Variants in PIK3CD observed in about 807,000 individuals in gnomAD.
The protein encoded by PIK3CD is phosphatidylinositol 4,5-bisphosphate 3-kinase catalytic subunit delta isoform.
Under a neutral mutation model 122.9 loss-of-function variants are expected in PIK3CD, and 20 were observed. The ratio of observed to expected loss-of-function variants is 0.16; its 90% CI spans 0.11 to 0.24. The LOEUF is 0.24. Ranked by LOEUF, PIK3CD falls within the 10% of genes least tolerant of loss-of-function variation. The probability of loss-of-function intolerance (pLI) is 1.00; values close to 1 mark genes in which losing one functional copy is unlikely to be tolerated. For missense variants in PIK3CD, 787 were observed against 1,406.3 expected, an observed-to-expected ratio of 0.56 and a Z score of 7.04; for synonymous variants, 596 against 593.4, an observed-to-expected ratio of 1.00 and a Z score of -0.06.
intron 1 of PIK3CD, among the ~76,000 whole-genome samples, chr1:9,658,050 A>G (rs1352677006): frequency 6.6e-6 from 1 of 152,084 alleles, no homozygotes; most frequent in Non-Finnish European, 1.5e-5. Flanking sequence ...CTTTCTTATC[A>G]ATAGAGAAGC....
chr1:9,632,820 C>T, the PIK3CD span, among the ~76,000 whole-genome samples: 5 of 150,896 alleles, frequency 3.3e-5, no homozygotes, highest in African/African-American at 7.3e-5. Flanking sequence ...CTTGGGAAGG[C>T]GGCTTCTAGG....
chr1:9,721,746 C>T lies in PIK3CD; in HGVS notation c.1956-15C>T, dbSNP rs757736517. 7 of 1,612,302 alleles carry T rather than the reference C, an allele frequency of 4.3e-6. No homozygotes were observed. The East Asian group carries it at 1.3e-4, about 31-fold the overall frequency. ...GTGCTGCCTGGTGAGGCTCAGCCCT[C>T]CCTTCACCTTCCAGCTCCGAGATGC... On this transcript the variant is annotated splice_polypyrimidine_tract_variant and intron_variant, in intron 15 of 23. Coordinates refer to ENST00000377346, the MANE Select transcript of PIK3CD (RefSeq NM_005026.5).
At chr1:9,692,276 C>T (rs1404564894) in intron 2 of PIK3CD, among the ~76,000 whole-genome samples, 3 of 152,144 alleles carry the variant, frequency 2.0e-5, no homozygotes, top group African/African-American at 7.2e-5. Flanking sequence ...ACCCAGAATT[C>T]CACTGGAGAC....
chr1:9,726,945 C>G lies in PIK3CD; in HGVS notation c.3034C>G (p.Leu1012Val). The G allele has an allele frequency of 6.2e-7, 1 of 1,613,978 alleles. No individual in the cohort carries two copies. The highest frequency in any genetic ancestry group is 8.5e-7 in the Non-Finnish European group (1 of 1,179,902). ...ACTGGGGAAAACAGAGGAGGAGGCACTGAAGCACTTCCGAGTGAAGTTTAA... is the reference window on the plus strand; with the variant it reads ...ACTGGGGAAAACAGAGGAGGAGGCAGTGAAGCACTTCCGAGTGAAGTTTAA... ...LALGKTEEEALKHFRVKFNEA... is the reference protein window; with the variant it reads ...LALGKTEEEAVKHFRVKFNEA... Residue 1012 changes from leucine to valine, a missense_variant, in exon 24 of 24, where the codon CTG becomes GTG. Around this residue, in one of 6 missense-constraint regions of PIK3CD, gnomAD observed 60 missense variants for 129.5 expected, o/e 0.46. Coordinates refer to ENST00000377346, the MANE Select transcript of PIK3CD (RefSeq NM_005026.5).
chr1:9,719,008 C>G lies in PIK3CD; in HGVS notation c.1242+93C>G, dbSNP rs942179264. 1 of 1,216,874 alleles carries G rather than the reference C, an allele frequency of 8.2e-7. No homozygotes were observed. The highest frequency in any genetic ancestry group is 1.2e-6 in the Non-Finnish European group (1 of 848,762). 75.4% of individuals were successfully genotyped at this position (1,216,874 alleles called of 1,614,324 possible). On this transcript the variant is annotated intron_variant, in intron 9 of 23. Coordinates refer to ENST00000377346, the MANE Select transcript of PIK3CD (RefSeq NM_005026.5). This position sits in a 1 kb window ranked among gnomAD's most constrained non-coding sequence, Gnocchi z 5.5. ...CTCACCACTCTCCTCCCGGCAAGCA[C>G]GCAGCCTGGGGATGGGGGTCCTGGG... is the stretch of plus-strand genomic sequence containing the variant.
At position 9,667,954 on chromosome 1, in the gene PIK3CD, T is replaced by C. The variant is rs1358196938; in HGVS notation, c.-138+16152T>C. 2.1e-5 allele frequency among the ~76,000 whole-genome samples: 3 copies of C among 144,940 alleles called. No homozygotes were observed. In the Admixed American group the frequency reaches 2.1e-4, roughly 10 times the overall value. On this transcript the variant is annotated intron_variant, in intron 1 of 23. Coordinates refer to ENST00000377346, the MANE Select transcript of PIK3CD (RefSeq NM_005026.5). ...TTTTAGTAAAGACAGGGTTTCGCCA[T>C]GTTGCCCATGATGGTCTGGAACTCC...
At chr1:9,705,218 C>A (rs1646783337) in intron 2 of PIK3CD, among the ~76,000 whole-genome samples, 1 of 151,698 alleles carries the variant, frequency 6.6e-6, no homozygotes, top group South Asian at 2.1e-4. Context: ...TGCTTGTAAT[C>A]CCAGCACTTT....
rs557507333 is a variant in PIK3CD at position 9,727,546 on chromosome 1, C to T, written c.*500C>T. ...TACCCTCTAGATTCAGGGATGCTTG[C>T]TCTCCACTTTTCAAGTGGGTCTTGG... is the stretch of plus-strand genomic sequence containing the variant. On this transcript the variant is annotated 3_prime_UTR_variant, in exon 24 of 24. Coordinates refer to ENST00000377346, the MANE Select transcript of PIK3CD (RefSeq NM_005026.5). 14 of 243,202 alleles carry T rather than the reference C, an allele frequency of 5.8e-5. No individual in the cohort carries two copies. In the East Asian group the frequency reaches 8.4e-4, roughly 15 times the overall value. 15.1% of individuals were successfully genotyped at this position (243,202 alleles called of 1,614,324 possible). A position where few individuals can be genotyped will look rare whatever the true frequency, so the allele number is the denominator to read the frequency against.
chr1:9,632,322 T>C, the PIK3CD span, among the ~76,000 whole-genome samples: 20 of 152,088 alleles, frequency 1.3e-4, no homozygotes, highest in African/African-American at 4.3e-4. Context: ...TCTTCTTTCT[T>C]TTTTTTAAAG....
intron 2 of PIK3CD, among the ~76,000 whole-genome samples, chr1:9,693,218 A>G (rs1646274193): frequency 6.6e-6 from 1 of 151,496 alleles, no homozygotes; most frequent in Non-Finnish European, 1.5e-5. Flanking sequence ...TTTATTTATT[A>G]TTTATTTATT....
rs1224606916 is a variant in PIK3CD, at chr1:9,718,679, C to T, written c.1021-15C>T. 8 of 1,600,508 alleles carry T rather than the reference C, an allele frequency of 5.0e-6. No individual in the cohort carries two copies. Among genetic ancestry groups the T allele is most frequent in the Middle Eastern group, 1.7e-4 (1 of 5,958 alleles). On this transcript the variant is annotated splice_polypyrimidine_tract_variant and intron_variant, in intron 8 of 23. Transcript: ENST00000377346. The surrounding 1 kb of genome is among the most constrained non-coding windows in gnomAD (Gnocchi z 7.2). ...GCCTCTGCCTCCTCACCCATCATCCCGGCACCTTCTACAGCTGGTGGTGCA... is the reference window on the plus strand; with the variant it reads ...GCCTCTGCCTCCTCACCCATCATCCTGGCACCTTCTACAGCTGGTGGTGCA...
At chr1:9,628,445 C>T in the PIK3CD span, among the ~76,000 whole-genome samples, 4 of 152,200 alleles carry the variant, frequency 2.6e-5, no homozygotes, top group African/African-American at 9.7e-5. Context: ...CGATTATAAG[C>T]ATTTTTACAT....
intron 2 of PIK3CD, among the ~76,000 whole-genome samples, chr1:9,694,429 G>A (rs1646323827): frequency 6.6e-6 from 1 of 152,356 alleles, no homozygotes; most frequent in African/African-American, 2.4e-5. Flanking sequence ...AGCTACTTAG[G>A]AGGCTGAGGT....
intron 1 of PIK3CD, among the ~76,000 whole-genome samples, chr1:9,683,849 G>A (rs1645864793): frequency 6.6e-6 from 1 of 152,164 alleles, no homozygotes; most frequent in African/African-American, 2.4e-5. Context: ...ACTTGAACAG[G>A]TGGGGTCTGG....
At chr1:9,703,788 T>C (rs1475967377) in intron 2 of PIK3CD, among the ~76,000 whole-genome samples, 1 of 152,200 alleles carries the variant, frequency 6.6e-6, no homozygotes, top group Non-Finnish European at 1.5e-5. Flanking sequence ...AAGTTTCCAC[T>C]TTGGAGCCAT....
rs891326774 is a variant in PIK3CD at position 9,718,255 on chromosome 1, AG to A, written c.1021-436del. ...CAGGAATCGAGGGGGACTGGATCAG[AG>A]GGACTTCCAGGGTGGTGGTGTCAGG... is the stretch of plus-strand genomic sequence containing the variant. On this transcript the variant is annotated intron_variant, in intron 8 of 23. Transcript: ENST00000377346. The surrounding 1 kb of genome is among the most constrained non-coding windows in gnomAD (Gnocchi z 7.2). The A allele has an allele frequency of 4.9e-5, 23 of 466,330 alleles. No homozygotes were observed. Among genetic ancestry groups the A allele is most frequent in the Non-Finnish European group, 8.5e-5 (20 of 235,374 alleles). The allele number at this position is 466,330 out of a possible 1,614,324, so 28.9% of individuals were successfully genotyped here.
intron 1 of PIK3CD, among the ~76,000 whole-genome samples, chr1:9,674,559 G>A (rs1173679623): frequency 6.6e-6 from 1 of 151,838 alleles, no homozygotes; most frequent in Non-Finnish European, 1.5e-5. Context: ...GTGTGGTGGT[G>A]GGTGTCTGTA....
Position 9,715,790 on chromosome 1 carries a change from G to GT in PIK3CD, c.370+22dup, listed in dbSNP as rs1557659938. Reference sequence around the variant, plus strand: ...CAAAGGTAGCTCTGCCGAGTGGGCCGTGTGGCCGGGCTGGCCCTGCCTGCC... The same window carrying GT: ...CAAAGGTAGCTCTGCCGAGTGGGCCGTTGTGGCCGGGCTGGCCCTGCCTGCC... On this transcript the variant is annotated intron_variant, in intron 4 of 23. Coordinates refer to ENST00000377346, the MANE Select transcript of PIK3CD (RefSeq NM_005026.5). This position sits in a 1 kb window ranked among gnomAD's most constrained non-coding sequence, Gnocchi z 4.1. 6.2e-7 allele frequency: 1 copy of GT among 1,612,342 alleles called. No individual in the cohort carries two copies. Among genetic ancestry groups the GT allele is most frequent in the East Asian group, 2.2e-5 (1 of 44,864 alleles).
chr1:9,694,546 T>G (rs1646329737), intron 2 of PIK3CD, among the ~76,000 whole-genome samples: 1 of 151,976 alleles, frequency 6.6e-6, no homozygotes, highest in Non-Finnish European at 1.5e-5. Context: ...AAAATAAAAG[T>G]CAGCTTATTG....
Sources: gnomAD v4.1 joint callset for allele counts (sites outside exome capture counted in the v4.1 genomes callset) on GRCh38, gnomAD v4.1.1 for gene constraint, gnomAD v4.1.1 regional missense constraint, Gnocchi (gnomAD v3.1) non-coding constraint, MANE v1.5 for transcripts, NCBI Gene and HGNC (gene_info 2026-07-23, HGNC 2026-07-21) for gene names.